The following CREB5 variants were observed in gnomAD, a reference collection of about 807,000 sequenced individuals.
CREB5 encodes the protein cAMP responsive element binding protein 5.
In CREB5, 19 loss-of-function variants were observed where a neutral mutation model predicts 57.1. The observed-to-expected ratio is 0.33, with a 90% CI of 0.23 to 0.49. CREB5 has a LOEUF of 0.49. Among genes scored for constraint, CREB5 ranks in the 20% least tolerant of loss-of-function variants. CREB5 has a pLI of 0.99. For missense variants in CREB5, 579 were observed against 671.6 expected, an observed-to-expected ratio of 0.86 and a Z score of 1.52; for synonymous variants, 238 against 238.3, an observed-to-expected ratio of 1.00 and a Z score of 0.01.
intron 7 of CREB5, among the ~76,000 whole-genome samples, chr7:28,770,859 T>C (rs4719952): frequency 0.38 from 58,408 of 152,052 alleles, 11,555 homozygotes; most frequent in East Asian, 0.71. Flanking sequence ...AGATCCCATA[T>C]GCAGCATGGT....
intron 1 of CREB5, among the ~76,000 whole-genome samples, chr7:28,371,266 G>A (rs1786699286): frequency 6.6e-6 from 1 of 151,834 alleles, no homozygotes; most frequent in Non-Finnish European, 1.5e-5. Flanking sequence ...GTCAAGAGAT[G>A]GAGACCATCA....
chr7:28,625,622 G>A (rs1797971302), intron 5 of CREB5, among the ~76,000 whole-genome samples: 2 of 152,260 alleles, frequency 1.3e-5, no homozygotes, highest in South Asian at 4.1e-4. Context: ...TACAGCCAAG[G>A]CAACTGCGTT....
intron 8 of CREB5, 94 bp downstream of exon 8, chr7:28,804,616 C>G: frequency 6.8e-7 from 1 of 1,464,298 alleles, no homozygotes; most frequent in African/African-American, 1.4e-5. Context: ...TCTTGTTTGA[C>G]AAGCCCAGGT....
intron 1 of CREB5, among the ~76,000 whole-genome samples, chr7:28,400,644 T>G (rs1392353996): frequency 6.6e-6 from 1 of 152,220 alleles, no homozygotes; most frequent in Non-Finnish European, 1.5e-5. Context: ...TATTCAAGAT[T>G]CAAATGAAGT....
chr7:28,454,640 C>T (rs758086674), intron 1 of CREB5, among the ~76,000 whole-genome samples: 3 of 152,190 alleles, frequency 2.0e-5, no homozygotes, highest in Non-Finnish European at 4.4e-5. Flanking sequence ...ACCTTATTTC[C>T]ATGATGCTTG....
At chr7:28,629,500 G>A (rs968211645) in intron 5 of CREB5, among the ~76,000 whole-genome samples, 1 of 152,216 alleles carries the variant, frequency 6.6e-6, no homozygotes, top group African/African-American at 2.4e-5. Flanking sequence ...GAGCAGGCAG[G>A]CTGGCAAGCA....
intron 5 of CREB5, among the ~76,000 whole-genome samples, chr7:28,687,129 A>G (rs927358856): frequency 2.6e-5 from 4 of 152,186 alleles, no homozygotes; most frequent in Admixed American, 2.6e-4. Context: ...ATGATCCTCA[A>G]AAGTAGTTAT....
At chr7:28,682,538 G>C (rs1239349605) in intron 5 of CREB5, among the ~76,000 whole-genome samples, 1 of 152,208 alleles carries the variant, frequency 6.6e-6, no homozygotes. Context: ...ACATGTGATA[G>C]TCATTACAGC....
chr7:28,409,883 T>G, upstream of CREB5: 1 of 455,102 alleles, frequency 2.2e-6, no homozygotes, highest in Middle Eastern at 3.3e-4. This position sits in a 1 kb window ranked among gnomAD's most constrained non-coding sequence, Gnocchi z 4.4. Flanking sequence ...CGGGGGTGTG[T>G]GTTTGCCTCC....
intron 6 of CREB5, among the ~76,000 whole-genome samples, chr7:28,720,395 C>T (rs1231373150): frequency 1.3e-5 from 2 of 152,186 alleles, no homozygotes; most frequent in Admixed American, 1.3e-4. Context: ...ACTCATTTTA[C>T]AGATGAAAAG....
rs1791648392 is a variant in CREB5, at chr7:28,488,118, A to AC, written c.4-57_4-56insC. ...GCCTTTCTCACGTTGCTCAGGTAGA[A>AC]GCAGAAGATATTCATGGATTTCTTT... On this transcript the variant is annotated intron_variant, in intron 1 of 10. Transcript: ENST00000357727. 5.2e-6 allele frequency: 8 copies of AC among 1,523,986 alleles called. No homozygotes were observed. In the Admixed American group the frequency reaches 1.3e-4, roughly 26 times the overall value. 94.4% of individuals were successfully genotyped at this position (1,523,986 alleles called of 1,614,324 possible). A position where few individuals can be genotyped will look rare whatever the true frequency, so the allele number is the denominator to read the frequency against.
chr7:28,441,178 A>G (rs1004924294), intron 1 of CREB5, among the ~76,000 whole-genome samples: 1 of 152,212 alleles, frequency 6.6e-6, no homozygotes, highest in Non-Finnish European at 1.5e-5. Flanking sequence ...TTTTAAAAAT[A>G]GAAAGCCATC....
chr7:28,673,152 C>T (rs547975864), intron 5 of CREB5, among the ~76,000 whole-genome samples: 9 of 152,280 alleles, frequency 5.9e-5, no homozygotes, highest in South Asian at 4.1e-4. Context: ...CACAATTTAG[C>T]GTTTAAATCT....
At chr7:28,761,225 A>T (rs1324027034) in intron 7 of CREB5, among the ~76,000 whole-genome samples, 8 of 152,240 alleles carry the variant, frequency 5.3e-5, no homozygotes, top group Admixed American at 2.6e-4. Context: ...GGGAGAGTCA[A>T]GGTGGAAAGA....
chr7:28,602,188 G>A (rs934852051), intron 5 of CREB5, among the ~76,000 whole-genome samples: 9 of 152,076 alleles, frequency 5.9e-5, no homozygotes, highest in Admixed American at 3.9e-4. Context: ...GTGCACTGGT[G>A]CGATCTCGGC....
intron 5 of CREB5, among the ~76,000 whole-genome samples, chr7:28,653,372 G>C (rs570543172): frequency 6.6e-6 from 1 of 152,274 alleles, no homozygotes; most frequent in Admixed American, 6.5e-5. Context: ...GACATGGCAT[G>C]CCCTTTCAGA....
intron 1 of CREB5, among the ~76,000 whole-genome samples, chr7:28,414,807 G>A (rs969350107): frequency 2.6e-5 from 4 of 151,754 alleles, no homozygotes; most frequent in Non-Finnish European, 5.9e-5. Flanking sequence ...TAAAAAGAGA[G>A]AAGCCTTTTA....
intron 1 of CREB5, among the ~76,000 whole-genome samples, chr7:28,427,899 C>G (rs887377475): frequency 6.6e-5 from 10 of 152,142 alleles, no homozygotes; most frequent in Non-Finnish European, 4.4e-5. Context: ...AGGACTCTTC[C>G]AGGTTCTAAG....
intron 4 of CREB5, among the ~76,000 whole-genome samples, chr7:28,553,125 A>G (rs1794735068): frequency 6.6e-6 from 1 of 152,232 alleles, no homozygotes. Flanking sequence ...GAACAACTTC[A>G]TCCTACTTCT....
Sources: gnomAD v4.1 joint callset for allele counts (sites outside exome capture counted in the v4.1 genomes callset) on GRCh38, gnomAD v4.1.1 for gene constraint, Gnocchi (gnomAD v3.1) non-coding constraint, MANE v1.5 for transcripts, NCBI Gene and HGNC (gene_info 2026-07-23, HGNC 2026-07-21) for gene names.